AP3S1: variants seen among roughly 807,000 people sequenced by gnomAD.
The protein encoded by AP3S1 is AP-3 complex subunit sigma-1.
Under a neutral mutation model 21.3 loss-of-function variants are expected in AP3S1, and 12 were observed. The ratio of observed to expected loss-of-function variants is 0.56; its 90% CI spans 0.36 to 0.91. AP3S1 has a LOEUF of 0.91. Among genes scored for constraint, AP3S1 ranks in the 40% least tolerant of loss-of-function variants. The probability of loss-of-function intolerance (pLI) is 0.01; values close to 1 mark genes in which losing one functional copy is unlikely to be tolerated. For missense variants in AP3S1, 116 were observed against 225.0 expected (o/e 0.52, Z 3.10); for synonymous variants, 48 against 78.4 (o/e 0.61, Z 2.05).
intron 3 of AP3S1, among the ~76,000 whole-genome samples, chr5:115,874,194 AAG>A (rs1748511485): frequency 6.6e-6 from 1 of 152,094 alleles, no homozygotes; most frequent in Non-Finnish European, 1.5e-5. Context: ...GTTTGGAAAA[AAG>A]GGGTGGACTT....
chr5:115,869,258 A>G (rs1303680499), intron 2 of AP3S1, among the ~76,000 whole-genome samples: 6 of 152,192 alleles, frequency 3.9e-5, no homozygotes, highest in Non-Finnish European at 8.8e-5. Context: ...TCTTGCATTT[A>G]TGTCAAAACA....
chr5:115,841,995 C>G lies in AP3S1; in HGVS notation c.-43C>G, dbSNP rs771888426. ...CGAGGCGAGGCTCGCGCGCCCGCCCCCGCCCTGGCCCCCAGTGCCCACCCG... is the reference window on the plus strand; with the variant it reads ...CGAGGCGAGGCTCGCGCGCCCGCCCGCGCCCTGGCCCCCAGTGCCCACCCG... On this transcript the variant is annotated 5_prime_UTR_variant, in exon 1 of 6. Transcript: ENST00000316788. 2.4e-5 allele frequency: 38 copies of G among 1,560,882 alleles called. No individual in the cohort carries two copies. The highest frequency in any genetic ancestry group is 1.7e-4 in the Middle Eastern group (1 of 5,748).
rs565066880 is a variant in AP3S1 at position 115,892,405 on chromosome 5, C to G, written c.274-2682C>G. Reference sequence around the variant, plus strand: ...AGAATATCCAAGATTTGGAAGCAACCTAAGTGTTCATCAGCAGACGAATAA... The same window carrying G: ...AGAATATCCAAGATTTGGAAGCAACGTAAGTGTTCATCAGCAGACGAATAA... On this transcript the variant is annotated intron_variant, in intron 3 of 5. Transcript: ENST00000316788. Among the ~76,000 whole-genome samples, 8 of 152,150 alleles carry G rather than the reference C, an allele frequency of 5.3e-5. No homozygotes were observed. The East Asian group carries it at 1.3e-3, about 26-fold the overall frequency.
At chr5:115,908,794 C>T (rs1172149919) in intron 5 of AP3S1, among the ~76,000 whole-genome samples, 1 of 152,042 alleles carries the variant, frequency 6.6e-6, no homozygotes, top group African/African-American at 2.4e-5. Context: ...AAAACAAAGC[C>T]TATTATATAT....
At chr5:115,902,373 C>CA (rs1282884765) in intron 4 of AP3S1, among the ~76,000 whole-genome samples, 10 of 151,988 alleles carry the variant, frequency 6.6e-5, no homozygotes, top group African/African-American at 2.4e-4. Flanking sequence ...GGTAAAAACA[C>CA]TATTAAAGTA....
chr5:115,864,001 T>C (rs1458398398), intron 1 of AP3S1, among the ~76,000 whole-genome samples: 1 of 152,060 alleles, frequency 6.6e-6, no homozygotes, highest in Non-Finnish European at 1.5e-5. Flanking sequence ...TGCCTTATTC[T>C]GGAAAAAGAA....
intron 3 of AP3S1, among the ~76,000 whole-genome samples, chr5:115,871,023 A>T (rs1313161823): frequency 6.6e-6 from 1 of 152,238 alleles, no homozygotes; most frequent in Non-Finnish European, 1.5e-5. Flanking sequence ...TAAATGACAG[A>T]TGAGGAACGC....
At chr5:115,856,079 A>G (rs987535694) in intron 1 of AP3S1, among the ~76,000 whole-genome samples, 3 of 152,188 alleles carry the variant, frequency 2.0e-5, no homozygotes, top group Non-Finnish European at 4.4e-5. Context: ...AGTTGTCTTT[A>G]GACTGATGTA....
At chr5:115,853,325 AT>A (rs1344469598) in intron 1 of AP3S1, among the ~76,000 whole-genome samples, 1 of 152,102 alleles carries the variant, frequency 6.6e-6, no homozygotes, top group African/African-American at 2.4e-5. Context: ...TTGTCTTTTT[AT>A]TATTGACTTG....
At chr5:115,858,820 TCTTA>T (rs1356474562) in intron 1 of AP3S1, among the ~76,000 whole-genome samples, 6 of 150,640 alleles carry the variant, frequency 4.0e-5, no homozygotes, top group African/African-American at 9.7e-5. Context: ...TATTATCTTT[TCTTA>T]CTTCTCTTAT....
At chr5:115,909,951 A>T (rs544550709) in intron 5 of AP3S1, among the ~76,000 whole-genome samples, 1 of 152,214 alleles carries the variant, frequency 6.6e-6, no homozygotes, top group African/African-American at 2.4e-5. Flanking sequence ...GAGAACAGTT[A>T]TAACAGTATA....
At chr5:115,897,300 C>G (rs1220595394) in intron 4 of AP3S1, among the ~76,000 whole-genome samples, 1 of 151,892 alleles carries the variant, frequency 6.6e-6, no homozygotes, top group African/African-American at 2.4e-5. Context: ...TAGAACCTGC[C>G]AAAATTAGCT....
At chr5:115,909,044 TAC>T in intron 5 of AP3S1, 3 of 928,000 alleles carry the variant, frequency 3.2e-6, no homozygotes, top group Non-Finnish European at 3.9e-6. Context: ...TTTTAATACG[TAC>T]AGTTTGTTCC....
intron 2 of AP3S1, 106 bp from the exon 3 acceptor site, chr5:115,869,911 C>G: frequency 1.6e-6 from 1 of 626,262 alleles, no homozygotes; most frequent in Non-Finnish European, 2.6e-6. Context: ...TTGAATGTCA[C>G]CTTTCATTTG....
intron 5 of AP3S1, among the ~76,000 whole-genome samples, chr5:115,908,617 A>G (rs570971518): frequency 2.4e-4 from 36 of 152,260 alleles, no homozygotes; most frequent in African/African-American, 8.2e-4. Context: ...AATTAAAGCT[A>G]TAATTGAAGA....
chr5:115,909,994 T>G (rs1240597095), intron 5 of AP3S1, among the ~76,000 whole-genome samples: 2 of 152,198 alleles, frequency 1.3e-5, no homozygotes, highest in East Asian at 3.9e-4. Flanking sequence ...CCAGGTGCAC[T>G]GGCTCACGCC....
At chr5:115,872,550 T>C (rs1298789305) in intron 3 of AP3S1, among the ~76,000 whole-genome samples, 15 of 152,144 alleles carry the variant, frequency 9.9e-5, no homozygotes, top group Admixed American at 9.2e-4. Context: ...TTTTTCATAA[T>C]ATTTAAAGCT....
intron 1 of AP3S1, among the ~76,000 whole-genome samples, chr5:115,853,479 A>G (rs955984736): frequency 6.6e-6 from 1 of 152,064 alleles, no homozygotes; most frequent in Non-Finnish European, 1.5e-5. Flanking sequence ...GATATCATCT[A>G]GTTTATCTCT....
At chr5:115,894,544 A>C (rs554480306) in intron 3 of AP3S1, among the ~76,000 whole-genome samples, 1 of 152,300 alleles carries the variant, frequency 6.6e-6, no homozygotes, top group East Asian at 1.9e-4. Flanking sequence ...TGAGCAACGC[A>C]AGCCTGCTGA....
Sources: gnomAD v4.1 joint callset for allele counts (sites outside exome capture counted in the v4.1 genomes callset) on GRCh38, gnomAD v4.1.1 for gene constraint, MANE v1.5 for transcripts, NCBI Gene and HGNC (gene_info 2026-07-23, HGNC 2026-07-21) for gene names.